The following CNTNAP2 variants were observed in gnomAD, a reference collection of about 807,000 sequenced individuals.
CNTNAP2 encodes the protein contactin associated protein 2, also known as contactin-associated protein-like 2.
Under a neutral mutation model 155.2 loss-of-function variants are expected in CNTNAP2, and 98 were observed. That is an observed-to-expected ratio of 0.63 (90% CI 0.54 to 0.75). The LOEUF (loss-of-function observed/expected upper bound fraction) is 0.75. Among genes scored for constraint, CNTNAP2 ranks in the 30% least tolerant of loss-of-function variants. The probability of loss-of-function intolerance (pLI) is 0.00; values close to 1 mark genes in which losing one functional copy is unlikely to be tolerated. For synonymous variants in CNTNAP2, 651 were observed against 631.2 expected (o/e 1.03, Z -0.47); for missense variants, 1,727 against 1,688.1 (o/e 1.02, Z -0.40).
chr7:146,323,211 G>C (rs1238854808), intron 1 of CNTNAP2, among the ~76,000 whole-genome samples: 3 of 152,156 alleles, frequency 2.0e-5, no homozygotes, highest in Non-Finnish European at 4.4e-5. Flanking sequence ...TGATTATGCA[G>C]TGTTGAAAGG....
chr7:148,346,773 T>TAAAAAAAA (rs71188973), intron 21 of CNTNAP2, among the ~76,000 whole-genome samples: 28 of 147,100 alleles, frequency 1.9e-4, no homozygotes, highest in African/African-American at 7.1e-4. Context: ...ACTCCATCTT[T>TAAAAAAAA]AAAAAAAAAA....
intron 3 of CNTNAP2, among the ~76,000 whole-genome samples, chr7:147,041,911 G>A (rs1327989550): frequency 6.6e-6 from 1 of 152,142 alleles, no homozygotes; most frequent in Non-Finnish European, 1.5e-5. Flanking sequence ...TTTGGTCAAG[G>A]ATTCTAATTG....
At chr7:147,283,281 T>C (rs906780758) in intron 8 of CNTNAP2, among the ~76,000 whole-genome samples, 4 of 151,842 alleles carry the variant, frequency 2.6e-5, no homozygotes, top group Admixed American at 6.6e-5. Context: ...CATATACATA[T>C]GGAAAAAGTC....
intron 14 of CNTNAP2, among the ~76,000 whole-genome samples, chr7:147,929,090 C>A (rs1323526848): frequency 1.4e-5 from 1 of 71,496 alleles, no homozygotes; most frequent in Non-Finnish European, 2.3e-5. Flanking sequence ...GAAACTCCAT[C>A]CCAAAAAAAA....
At chr7:147,702,189 G>C (rs960505648) in intron 13 of CNTNAP2, among the ~76,000 whole-genome samples, 1 of 150,858 alleles carries the variant, frequency 6.6e-6, no homozygotes, top group Non-Finnish European at 1.5e-5. Flanking sequence ...GACATCTCTC[G>C]TCGGATCCAC....
At chr7:148,163,700 C>T (rs1805594347) in intron 17 of CNTNAP2, among the ~76,000 whole-genome samples, 1 of 152,212 alleles carries the variant, frequency 6.6e-6, no homozygotes, top group African/African-American at 2.4e-5. Flanking sequence ...TTCCAAACCC[C>T]AGTTCTCTCA....
rs893485714 is a variant in CNTNAP2 at position 147,782,715 on chromosome 7, C to G, written c.2099-120850C>G. ...TCAATGTATAAATTTTGAGGGGACA[C>G]AAAAATTTAGACCACAGCAGCCTGT... is the stretch of plus-strand genomic sequence containing the variant. On this transcript the variant is annotated intron_variant, in intron 13 of 23. Coordinates refer to ENST00000361727, the MANE Select transcript of CNTNAP2 (RefSeq NM_014141.6). Among the ~76,000 whole-genome samples the G allele has an allele frequency of 1.1e-4, 17 of 152,216 alleles. No individual in the cohort carries two copies. The South Asian group carries it at 3.3e-3, about 30-fold the overall frequency.
chr7:147,630,412 C>A (rs1169029980), intron 12 of CNTNAP2, among the ~76,000 whole-genome samples: 1 of 151,382 alleles, frequency 6.6e-6, no homozygotes, highest in African/African-American at 2.4e-5. Context: ...GAATCGACAC[C>A]AATCTTACTG....
At chr7:147,751,167 C>T (rs898452385) in intron 13 of CNTNAP2, among the ~76,000 whole-genome samples, 1 of 151,640 alleles carries the variant, frequency 6.6e-6, no homozygotes, top group Non-Finnish European at 1.5e-5. Context: ...CATGATCTCC[C>T]AGATCCTGTC....
At chr7:147,439,811 T>A (rs760904020) in intron 10 of CNTNAP2, among the ~76,000 whole-genome samples, 41 of 152,104 alleles carry the variant, frequency 2.7e-4, no homozygotes, top group Non-Finnish European at 4.4e-4. Flanking sequence ...CTTGCTGAAT[T>A]GACCCCTTTA....
intron 1 of CNTNAP2, among the ~76,000 whole-genome samples, chr7:146,615,685 A>G (rs909527238): frequency 2.0e-5 from 3 of 152,180 alleles, no homozygotes; most frequent in Admixed American, 6.5e-5. Flanking sequence ...GCATGCATTC[A>G]TATCACCTGG....
intron 8 of CNTNAP2, among the ~76,000 whole-genome samples, chr7:147,224,058 C>T (rs1803468286): frequency 2.1e-5 from 3 of 143,688 alleles, no homozygotes; most frequent in African/African-American, 7.8e-5. Context: ...TCAGCCAGCG[C>T]TTGTTCCCAT....
chr7:148,328,579 G>A (rs1006979290), intron 21 of CNTNAP2, among the ~76,000 whole-genome samples: 1 of 152,048 alleles, frequency 6.6e-6, no homozygotes, highest in Non-Finnish European at 1.5e-5. Flanking sequence ...CCAGCATTGA[G>A]GTTCACAGAA....
rs768053245 is a variant in CNTNAP2, at chr7:147,903,697, A to G, written c.2231A>G (p.Asn744Ser). The change falls in exon 14 of 24, where the codon AAC becomes AGC. Residue 744 changes from asparagine to serine, a missense_variant. Asn to Ser is a conservative substitution (Grantham distance 46, BLOSUM62 1). Coordinates refer to ENST00000361727, the MANE Select transcript of CNTNAP2 (RefSeq NM_014141.6). ...RNCTDPKYYC[N>S]CDADYKQWRK... The stretch of plus-strand genomic sequence containing the variant: ...TGCACAGATCCCAAGTACTACTGTA[A>G]CTGCGACGCGGACTACAAGCAATGG... The G allele has an allele frequency of 5.0e-6, 8 of 1,613,974 alleles. No individual in the cohort carries two copies. In the Admixed American group the frequency reaches 1.0e-4, roughly 20 times the overall value.
At chr7:146,338,009 G>A (rs759805976) in intron 1 of CNTNAP2, among the ~76,000 whole-genome samples, 25 of 152,108 alleles carry the variant, frequency 1.6e-4, no homozygotes, top group Admixed American at 3.9e-4. Flanking sequence ...TGAAGGATTT[G>A]CTTTCCTATC....
intron 1 of CNTNAP2, among the ~76,000 whole-genome samples, chr7:146,765,221 C>T (rs1802173990): frequency 1.3e-5 from 2 of 152,180 alleles, no homozygotes; most frequent in Admixed American, 1.3e-4. Flanking sequence ...ATGTACTGTA[C>T]TGATGAGTTA....
chr7:147,738,249 A>G (rs749604567), intron 13 of CNTNAP2, among the ~76,000 whole-genome samples: 1 of 152,176 alleles, frequency 6.6e-6, no homozygotes, highest in Non-Finnish European at 1.5e-5. Context: ...GATTAAGAAT[A>G]TTACATAAAC....
intron 15 of CNTNAP2, among the ~76,000 whole-genome samples, chr7:148,113,571 T>C (rs1273207264): frequency 1.3e-5 from 2 of 152,204 alleles, no homozygotes; most frequent in Non-Finnish European, 2.9e-5. Flanking sequence ...ATGAAATTTG[T>C]GTGAAGATAT....
At chr7:146,832,646 C>T (rs1023210553) in intron 2 of CNTNAP2, among the ~76,000 whole-genome samples, 8 of 147,482 alleles carry the variant, frequency 5.4e-5, no homozygotes, top group Non-Finnish European at 1.0e-4. Flanking sequence ...TGAATATATA[C>T]ACTGTATAAT....
Sources: gnomAD v4.1 joint callset for allele counts (sites outside exome capture counted in the v4.1 genomes callset) on GRCh38, gnomAD v4.1.1 for gene constraint, MANE v1.5 for transcripts, NCBI Gene and HGNC (gene_info 2026-07-23, HGNC 2026-07-21) for gene names.